Variants in EFHC1 observed in about 807,000 individuals in gnomAD.
The protein encoded by EFHC1 is EF-hand domain-containing protein 1.
A neutral mutation model predicts 69.9 loss-of-function variants in EFHC1; 53 were observed. The ratio of observed to expected loss-of-function variants is 0.76; its 90% CI spans 0.61 to 0.95. EFHC1 has a LOEUF of 0.95. Among genes scored for constraint, EFHC1 ranks in the 40% least tolerant of loss-of-function variants. The pLI, the probability that EFHC1 is intolerant of heterozygous loss-of-function variation, is 0.00. For synonymous variants in EFHC1, 256 were observed against 278.4 expected, an observed-to-expected ratio of 0.92 and a Z score of 0.80; for missense variants, 739 against 798.7, an observed-to-expected ratio of 0.93 and a Z score of 0.90.
At chr6:52,479,385 T>A in intron 8 of EFHC1, 135 bp downstream of exon 8, 2 of 1,072,514 alleles carry the variant, frequency 1.9e-6, no homozygotes, top group South Asian at 2.7e-5. Context: ...CTTGTATATA[T>A]GGTATAATGT....
chr6:52,495,928 ACTCG>A lies in EFHC1; in HGVS notation c.*3590_*3593del, dbSNP rs1418649453. Reference sequence around the variant, plus strand: ...CAGGCCATTTCTGTGGTGTCCAAACACTCGCTGCTCACCTGTTTATACAAAGCAG... The same window carrying A: ...CAGGCCATTTCTGTGGTGTCCAAACACTGCTCACCTGTTTATACAAAGCAG... On this transcript the variant is annotated 3_prime_UTR_variant, in exon 11 of 11. Coordinates refer to ENST00000371068, the MANE Select transcript of EFHC1 (RefSeq NM_018100.4). The A allele has an allele frequency of 1.4e-5, 4 of 277,038 alleles. No homozygotes were observed. Among genetic ancestry groups the A allele is most frequent in the African/African-American group, 2.2e-5 (1 of 45,594 alleles). 17.2% of individuals were successfully genotyped at this position (277,038 alleles called of 1,614,324 possible). A position where few individuals can be genotyped will look rare whatever the true frequency, so the allele number is the denominator to read the frequency against.
chr6:52,496,556 CCTG>C lies in EFHC1; in HGVS notation c.*4219_*4221del. The C allele has an allele frequency of 6.6e-6, 1 of 152,174 alleles. No homozygotes were observed. Among genetic ancestry groups the C allele is most frequent in the South Asian group, 2.1e-4 (1 of 4,830 alleles). 9.4% of individuals were successfully genotyped at this position (152,174 alleles called of 1,614,324 possible). On this transcript the variant is annotated 3_prime_UTR_variant, in exon 11 of 11. Transcript: ENST00000371068. The stretch of plus-strand genomic sequence containing the variant: ...ACTTGGTTAAGTGACTCCTGAGTAT[CCTG>C]CTGGCACATAAGTTCATTTTAAAAA...
intron 2 of EFHC1, among the ~76,000 whole-genome samples, chr6:52,436,885 G>A (rs1458143228): frequency 6.6e-6 from 1 of 152,122 alleles, no homozygotes; most frequent in Non-Finnish European, 1.5e-5. Context: ...CAGGTGATCT[G>A]CCTGCCTTGG....
chr6:52,452,961 T>C (rs773861811), intron 4 of EFHC1, 124 bp downstream of exon 4: 41 of 1,590,826 alleles, frequency 2.6e-5, no homozygotes, highest in Non-Finnish European at 3.3e-5. Flanking sequence ...ATTGAACTGT[T>C]TGGACACAGT....
chr6:52,438,732 T>C, intron 3 of EFHC1, 141 bp downstream of exon 3: 1 of 872,180 alleles, frequency 1.1e-6, no homozygotes, highest in Non-Finnish European at 1.8e-6. Context: ...GGTATTTGCA[T>C]GTGTGTATGT....
Position 52,493,322 on chromosome 6 carries a change from T to C in EFHC1, c.*981T>C, listed in dbSNP as rs1469240171. 9.5e-6 allele frequency: 4 copies of C among 420,308 alleles called. No individual in the cohort carries two copies. Among genetic ancestry groups the C allele is most frequent in the Non-Finnish European group, 1.4e-5 (3 of 214,308 alleles). The allele number at this position is 420,308 out of a possible 1,614,324, so 26.0% of individuals were successfully genotyped here. A position where few individuals can be genotyped will look rare whatever the true frequency, so the allele number is the denominator to read the frequency against. On this transcript the variant is annotated 3_prime_UTR_variant, in exon 11 of 11. Transcript: ENST00000371068. ...TCTTGGGACTTGTAAGCCTTCATAATTGTGTGAGCAATTTCTTATAACTCT... is the reference window on the plus strand; with the variant it reads ...TCTTGGGACTTGTAAGCCTTCATAACTGTGTGAGCAATTTCTTATAACTCT...
intron 1 of EFHC1, chr6:52,420,912 C>A (rs1411756498): frequency 1.3e-6 from 1 of 746,318 alleles, no homozygotes; most frequent in Non-Finnish European, 1.8e-6. Context: ...CCCTTAAAAC[C>A]CCCCGCCACT....
chr6:52,496,032 ATGTCACTAATTACCT>A lies in EFHC1; in HGVS notation c.*3693_*3707del, dbSNP rs1766049892. On this transcript the variant is annotated 3_prime_UTR_variant, in exon 11 of 11. Transcript: ENST00000371068. ...TCCTGAATGGCAGTGCAGCCATTAG[ATGTCACTAATTACCT>A]TATGCTACAGTCATAGCTGGCATGC... is the stretch of plus-strand genomic sequence containing the variant. The A allele has an allele frequency of 4.8e-6, 1 of 207,342 alleles. No individual in the cohort carries two copies. The allele number at this position is 207,342 out of a possible 1,614,324, so 12.8% of individuals were successfully genotyped here.
At chr6:52,446,193 C>G (rs1764780528) in intron 3 of EFHC1, among the ~76,000 whole-genome samples, 1 of 152,172 alleles carries the variant, frequency 6.6e-6, no homozygotes, top group Admixed American at 6.5e-5. Context: ...GTATGGGAGT[C>G]TAAGTCTCTT....
At chr6:52,435,104 G>A (rs1764502487) in intron 2 of EFHC1, among the ~76,000 whole-genome samples, 1 of 152,068 alleles carries the variant, frequency 6.6e-6, no homozygotes, top group African/African-American at 2.4e-5. Flanking sequence ...GAGTTGTCCA[G>A]GTTCATGGCT....
intron 5 of EFHC1, among the ~76,000 whole-genome samples, chr6:52,456,890 G>A (rs1337783558): frequency 6.6e-6 from 1 of 152,102 alleles, no homozygotes; most frequent in Non-Finnish European, 1.5e-5. Context: ...ACTCCAGCCT[G>A]GGCAACAGAG....
chr6:52,494,699 C>G lies in EFHC1; in HGVS notation c.*2358C>G, dbSNP rs781047367. On this transcript the variant is annotated 3_prime_UTR_variant, in exon 11 of 11. Transcript: ENST00000371068. ...TTTTTCCACACATACCCCCTCCTTC[C>G]CTTCCCACTCTGGTAGTCCCCAGTG... 1 of 454,062 alleles carries G rather than the reference C, an allele frequency of 2.2e-6. No individual in the cohort carries two copies. Among genetic ancestry groups the G allele is most frequent in the South Asian group, 1.6e-5 (1 of 64,474 alleles). The allele number at this position is 454,062 out of a possible 1,614,324, so 28.1% of individuals were successfully genotyped here. A position where few individuals can be genotyped will look rare whatever the true frequency, so the allele number is the denominator to read the frequency against.
intron 7 of EFHC1, among the ~76,000 whole-genome samples, chr6:52,472,683 ATC>A (rs910171552): frequency 6.7e-6 from 1 of 148,942 alleles, no homozygotes; most frequent in African/African-American, 2.6e-5. Context: ...GATATGTAAT[ATC>A]TTTTACATAC....
At chr6:52,461,373 A>G (rs932545306) in intron 5 of EFHC1, among the ~76,000 whole-genome samples, 1 of 152,222 alleles carries the variant, frequency 6.6e-6, no homozygotes, top group Admixed American at 6.5e-5. Flanking sequence ...CTTCAGCTGC[A>G]TCCATGTTCC....
chr6:52,478,830 T>C (rs1448678785), intron 7 of EFHC1, among the ~76,000 whole-genome samples: 1 of 152,170 alleles, frequency 6.6e-6, no homozygotes, highest in Non-Finnish European at 1.5e-5. Context: ...TTGAGTTGAG[T>C]TGGTGCGGCC....
chr6:52,442,445 C>T (rs1338631759), intron 3 of EFHC1, among the ~76,000 whole-genome samples: 1 of 151,416 alleles, frequency 6.6e-6, no homozygotes, highest in Non-Finnish European at 1.5e-5. Flanking sequence ...TCCCTCCCCA[C>T]ACCCCCCACC....
At position 52,495,683 on chromosome 6, in the gene EFHC1, G is replaced by A. The variant is rs1766039254; in HGVS notation, c.*3342G>A. 1 of 434,272 alleles carries A rather than the reference G, an allele frequency of 2.3e-6. No homozygotes were observed. The highest frequency in any genetic ancestry group is 2.4e-5 in the Admixed American group (1 of 41,116). The allele number at this position is 434,272 out of a possible 1,614,324, so 26.9% of individuals were successfully genotyped here. A position where few individuals can be genotyped will look rare whatever the true frequency, so the allele number is the denominator to read the frequency against. ...AGCTCACTGCAGCCTCAAACTCCTG[G>A]GCTCATGCAATCCTCCTGCCTCAGC... is the stretch of plus-strand genomic sequence containing the variant. On this transcript the variant is annotated 3_prime_UTR_variant, in exon 11 of 11. Transcript: ENST00000371068.
chr6:52,454,349 C>T, intron 5 of EFHC1, 62 bp downstream of exon 5: 1 of 1,603,146 alleles, frequency 6.2e-7, no homozygotes, highest in Non-Finnish European at 8.5e-7. Context: ...AAAGGAGTTA[C>T]TTAATCAGTA....
chr6:52,448,621 C>T (rs917087476), intron 3 of EFHC1, among the ~76,000 whole-genome samples: 3 of 152,230 alleles, frequency 2.0e-5, no homozygotes, highest in African/African-American at 7.2e-5. Context: ...CAGAAATCAC[C>T]CGTCTTCTGC....
Sources: gnomAD v4.1 joint callset for allele counts (sites outside exome capture counted in the v4.1 genomes callset) on GRCh38, gnomAD v4.1.1 for gene constraint, MANE v1.5 for transcripts, NCBI Gene and HGNC (gene_info 2026-07-23, HGNC 2026-07-21) for gene names.